ROBO2: variants seen among roughly 807,000 people sequenced by gnomAD.
ROBO2 encodes roundabout homolog 2.
A neutral mutation model predicts 160.8 loss-of-function variants in ROBO2; 53 were observed. The ratio of observed to expected loss-of-function variants is 0.33; its 90% confidence interval spans 0.26 to 0.41. The LOEUF (loss-of-function observed/expected upper bound fraction) is 0.41. Ranked by LOEUF, ROBO2 falls within the 10% of genes least tolerant of loss-of-function variation. ROBO2 has a pLI of 1.00. For synonymous variants in ROBO2, 664 were observed against 611.7 expected (o/e 1.09, Z -1.26); for missense variants, 1,577 against 1,722.4 (o/e 0.92, Z 1.49).
chr3:76,175,629 C>T (rs1468599486), intron 2 of ROBO2, among the ~76,000 whole-genome samples: 1 of 152,056 alleles, frequency 6.6e-6, no homozygotes, highest in East Asian at 1.9e-4. Context: ...GCTATACTCC[C>T]TATCCTTGCC....
intron 2 of ROBO2, among the ~76,000 whole-genome samples, chr3:76,963,852 AAAAAAAG>A (rs1246123067): frequency 1.4e-5 from 2 of 147,654 alleles, no homozygotes; most frequent in Non-Finnish European, 3.0e-5. Context: ...AAAAAAAAGA[AAAAAAAG>A]AAAAAAGAAA....
At chr3:76,707,430 C>CT (rs2093189058) in intron 2 of ROBO2, among the ~76,000 whole-genome samples, 1 of 152,022 alleles carries the variant, frequency 6.6e-6, no homozygotes. Flanking sequence ...GGACAAACCA[C>CT]TTTTTTCCTA....
At chr3:77,448,770 A>ATC (rs1485497450) in intron 2 of ROBO2, among the ~76,000 whole-genome samples, 2 of 151,996 alleles carry the variant, frequency 1.3e-5, no homozygotes, top group Admixed American at 1.3e-4. Flanking sequence ...TTTGCCTGTA[A>ATC]GAGTCACCTC....
intron 2 of ROBO2, among the ~76,000 whole-genome samples, chr3:77,382,786 A>G (rs1199519878): frequency 6.6e-6 from 1 of 152,218 alleles, no homozygotes; most frequent in Non-Finnish European, 1.5e-5. Context: ...TCCATGGTGC[A>G]TATATACCAC....
At chr3:76,332,454 A>G (rs2073564054) in intron 2 of ROBO2, among the ~76,000 whole-genome samples, 1 of 152,250 alleles carries the variant, frequency 6.6e-6, no homozygotes, top group Non-Finnish European at 1.5e-5. Flanking sequence ...AGGGAACATT[A>G]TTAAAAATTT....
chr3:76,944,214 T>G (rs1436469705), intron 2 of ROBO2, among the ~76,000 whole-genome samples: 3 of 152,154 alleles, frequency 2.0e-5, no homozygotes, highest in African/African-American at 7.2e-5. Context: ...TTTTAAAATA[T>G]TTTGTATACA....
At chr3:76,397,115 C>T (rs1200268635) in intron 2 of ROBO2, among the ~76,000 whole-genome samples, 1 of 152,178 alleles carries the variant, frequency 6.6e-6, no homozygotes, top group South Asian at 2.1e-4. Context: ...GATACTGGTA[C>T]CAAAACAGAG....
intron 2 of ROBO2, among the ~76,000 whole-genome samples, chr3:76,918,309 T>C (rs558603088): frequency 6.6e-6 from 1 of 152,264 alleles, no homozygotes; most frequent in South Asian, 2.1e-4. Flanking sequence ...GCATTTCCCC[T>C]CTTTGCACTT....
intron 2 of ROBO2, among the ~76,000 whole-genome samples, chr3:77,025,246 G>T (rs986319167): frequency 3.0e-4 from 45 of 151,980 alleles, no homozygotes; most frequent in African/African-American, 1.0e-3. Flanking sequence ...TATTATTTTG[G>T]ACTTGTCTTT....
At chr3:76,381,955 CGTT>C (rs990504802) in intron 2 of ROBO2, among the ~76,000 whole-genome samples, 5 of 151,930 alleles carry the variant, frequency 3.3e-5, no homozygotes, top group African/African-American at 1.2e-4. Flanking sequence ...TAGACTTTGT[CGTT>C]GTTGTTTTTT....
In ROBO2 at chr3:77,574,786, A is replaced by T. The variant is rs542827277; in HGVS notation, c.2203+56A>T. ...ACATGATGAAACCAATTTCTGTTAC[A>T]GTACCTATTTGTTATCTTCCTTAGA... On this transcript the variant is annotated intron_variant, in intron 14 of 25. Coordinates refer to ENST00000461745, the Ensembl canonical transcript of ROBO2. 3.9e-6 allele frequency: 5 copies of T among 1,268,540 alleles called. No individual in the cohort carries two copies. In the Admixed American group the frequency reaches 8.8e-5, roughly 22 times the overall value. The allele number at this position is 1,268,540 out of a possible 1,614,324, so 78.6% of individuals were successfully genotyped here.
At chr3:77,214,587 T>C (rs955765588) in intron 2 of ROBO2, among the ~76,000 whole-genome samples, 8 of 152,172 alleles carry the variant, frequency 5.3e-5, no homozygotes, top group African/African-American at 1.7e-4. Flanking sequence ...ACATTTAAGG[T>C]TAGTATTGTT....
intron 2 of ROBO2, among the ~76,000 whole-genome samples, chr3:76,175,328 T>G (rs999056827): frequency 9.2e-5 from 14 of 152,046 alleles, no homozygotes; most frequent in African/African-American, 3.4e-4. Flanking sequence ...GATTGCAATT[T>G]GACTTACTCT....
intron 2 of ROBO2, among the ~76,000 whole-genome samples, chr3:77,236,040 T>C (rs1294402024): frequency 1.3e-5 from 2 of 152,240 alleles, no homozygotes; most frequent in African/African-American, 4.8e-5. Context: ...CAATGACCTG[T>C]GACACAGCCC....
intron 2 of ROBO2, among the ~76,000 whole-genome samples, chr3:77,244,826 C>G (rs552961351): frequency 6.8e-6 from 1 of 146,068 alleles, no homozygotes; most frequent in African/African-American, 2.5e-5. Flanking sequence ...TGCAGTGAGC[C>G]GAGATCCTGC....
chr3:77,019,486 G>T lies in ROBO2; in HGVS notation c.110-78528G>T, dbSNP rs75070368. 7.8e-3 allele frequency among the ~76,000 whole-genome samples: 1,181 copies of T among 152,190 alleles called. 19 individuals are homozygous for T. Among genetic ancestry groups the T allele is most frequent in the African/African-American group, 0.026 (1,081 of 41,520 alleles). On this transcript the variant is annotated intron_variant, in intron 2 of 26. Transcript: ENST00000487694. Reference sequence around the variant, plus strand: ...CAAACATGCAAACCATAGCACAACTGCCCAGAAATAAGTATAAGGCAGGAA... The same window carrying T: ...CAAACATGCAAACCATAGCACAACTTCCCAGAAATAAGTATAAGGCAGGAA...
At chr3:77,283,459 G>A (rs1466379651) in intron 2 of ROBO2, among the ~76,000 whole-genome samples, 1 of 152,112 alleles carries the variant, frequency 6.6e-6, no homozygotes. Context: ...TTACAAAGAT[G>A]ACAAAGCTTT....
chr3:76,147,858 A>C (rs1195995299), intron 2 of ROBO2, among the ~76,000 whole-genome samples: 1 of 152,090 alleles, frequency 6.6e-6, no homozygotes, highest in Non-Finnish European at 1.5e-5. Flanking sequence ...GGGGTCCTTC[A>C]GACCAGTTGA....
chr3:77,015,123 C>T (rs950704619), intron 2 of ROBO2, among the ~76,000 whole-genome samples: 1 of 152,022 alleles, frequency 6.6e-6, no homozygotes, highest in Non-Finnish European at 1.5e-5. Context: ...TGTCATTTCC[C>T]TCCAATGCGA....
Sources: gnomAD v4.1 joint callset for allele counts (sites outside exome capture counted in the v4.1 genomes callset) on GRCh38, gnomAD v4.1.1 for gene constraint, MANE v1.5 for transcripts, NCBI Gene and HGNC (gene_info 2026-07-23, HGNC 2026-07-21) for gene names.